FHOD3: variants seen among roughly 807,000 people sequenced by gnomAD.
FHOD3 encodes the protein formin homology 2 domain containing 3.
In FHOD3, 90 loss-of-function variants were observed where a neutral mutation model predicts 173.0. The observed-to-expected ratio is 0.52, with a 90% CI of 0.44 to 0.62. The LOEUF is 0.62. Ranked by LOEUF, FHOD3 falls within the 20% of genes least tolerant of loss-of-function variation. The pLI, the probability that FHOD3 is intolerant of heterozygous loss-of-function variation, is 0.00. For synonymous variants in FHOD3, 828 were observed against 823.0 expected (o/e 1.01, Z -0.10); for missense variants, 1,945 against 2,034.7 (o/e 0.96, Z 0.85).
intron 3 of FHOD3, among the ~76,000 whole-genome samples, chr18:36,462,775 C>T (rs932275585): frequency 6.6e-6 from 1 of 152,180 alleles, no homozygotes; most frequent in Non-Finnish European, 1.5e-5. Context: ...CTCGTGTGTG[C>T]CACTATTTGC....
chr18:36,522,549 A>G (rs1460730075), intron 5 of FHOD3, among the ~76,000 whole-genome samples: 1 of 152,250 alleles, frequency 6.6e-6, no homozygotes, highest in Non-Finnish European at 1.5e-5. Context: ...TATACTGTAC[A>G]GCCTGTTTTG....
At chr18:36,446,168 T>A (rs1411024956) in intron 3 of FHOD3, among the ~76,000 whole-genome samples, 1 of 152,210 alleles carries the variant, frequency 6.6e-6, no homozygotes, top group Non-Finnish European at 1.5e-5. Flanking sequence ...AGCAAGTGTT[T>A]GAAAACCAGA....
chr18:36,642,043 A>C (rs570672722), intron 10 of FHOD3, among the ~76,000 whole-genome samples: 89 of 152,140 alleles, frequency 5.8e-4, no homozygotes, highest in Non-Finnish European at 9.8e-4. Flanking sequence ...AGGAACAGAA[A>C]ACCAAATACT....
chr18:36,427,032 C>T (rs544257528), intron 3 of FHOD3, among the ~76,000 whole-genome samples: 10 of 152,160 alleles, frequency 6.6e-5, no homozygotes, highest in East Asian at 1.9e-4. Flanking sequence ...CACATTGAGT[C>T]GAGGTGTGTT....
At chr18:36,409,954 G>T (rs1052703443) in intron 3 of FHOD3, among the ~76,000 whole-genome samples, 2 of 152,230 alleles carry the variant, frequency 1.3e-5, no homozygotes, top group African/African-American at 4.8e-5. Flanking sequence ...GCGTTGCCCG[G>T]GTGTCCCATG....
At chr18:36,518,182 G>T (rs2056091988) in intron 5 of FHOD3, among the ~76,000 whole-genome samples, 2 of 152,286 alleles carry the variant, frequency 1.3e-5, no homozygotes, top group South Asian at 4.1e-4. Context: ...TGAGGAAATG[G>T]GAGCAAAGGG....
intron 6 of FHOD3, among the ~76,000 whole-genome samples, chr18:36,582,828 C>G (rs569830398): frequency 6.6e-6 from 1 of 152,172 alleles, no homozygotes; most frequent in Non-Finnish European, 1.5e-5. Flanking sequence ...CTGTTGCCTC[C>G]GTTTGAACCG....
intron 21 of FHOD3, 108 bp from the exon 22 acceptor site, chr18:36,742,629 T>C (rs2150061956): frequency 1.6e-6 from 2 of 1,257,248 alleles, no homozygotes; most frequent in Non-Finnish European, 2.2e-6. Flanking sequence ...GGGGATTGCC[T>C]TGTGCTGGGG....
At chr18:36,641,978 G>GATCT (rs1489110989) in intron 10 of FHOD3, among the ~76,000 whole-genome samples, 3 of 151,306 alleles carry the variant, frequency 2.0e-5, no homozygotes, top group Non-Finnish European at 4.4e-5. Flanking sequence ...TTGTTAAATA[G>GATCT]AGGGAGATAA....
chr18:36,744,317 T>C (rs2042047541), intron 23 of FHOD3, 124 bp downstream of exon 23: 5 of 927,310 alleles, frequency 5.4e-6, no homozygotes, highest in African/African-American at 1.7e-5. Flanking sequence ...CATTCTCTGC[T>C]CTGGAGTTTA....
At chr18:36,367,711 A>ATATC (rs1479302639) in intron 2 of FHOD3, among the ~76,000 whole-genome samples, 2 of 152,128 alleles carry the variant, frequency 1.3e-5, no homozygotes, top group Non-Finnish European at 2.9e-5. Flanking sequence ...AACCAAGAGA[A>ATATC]TATCTATCTA....
At chr18:36,485,126 A>G (rs978136907) in intron 3 of FHOD3, among the ~76,000 whole-genome samples, 1 of 142,004 alleles carries the variant, frequency 7.0e-6, no homozygotes, top group Non-Finnish European at 1.5e-5. Flanking sequence ...CAAGAACTTC[A>G]TCTCTTGTGA....
intron 10 of FHOD3, among the ~76,000 whole-genome samples, chr18:36,629,713 G>C (rs1599949984): frequency 6.6e-6 from 1 of 152,318 alleles, no homozygotes; most frequent in Middle Eastern, 3.4e-3. Context: ...CACAGAGGAA[G>C]ATTGAGGGGT....
At chr18:36,535,228 G>GA (rs1048487390) in intron 5 of FHOD3, among the ~76,000 whole-genome samples, 99 of 152,266 alleles carry the variant, frequency 6.5e-4, no homozygotes, top group African/African-American at 2.4e-3. Context: ...CTCTAAGAGT[G>GA]AAAATAGCAT....
chr18:36,320,417 T>C (rs963891941), intron 1 of FHOD3, among the ~76,000 whole-genome samples: 2 of 152,100 alleles, frequency 1.3e-5, no homozygotes, highest in African/African-American at 4.8e-5. Flanking sequence ...ACATACACCC[T>C]CCCAAGACTA....
At chr18:36,611,233 A>G (rs116816565) in intron 8 of FHOD3, among the ~76,000 whole-genome samples, 323 of 152,336 alleles carry the variant, frequency 2.1e-3, no homozygotes, top group African/African-American at 6.9e-3. Flanking sequence ...GTTTCTAATT[A>G]CAAAGTAGGT....
chr18:36,548,140 C>T (rs199659557), intron 5 of FHOD3, among the ~76,000 whole-genome samples: 64 of 152,096 alleles, frequency 4.2e-4, no homozygotes, highest in African/African-American at 1.4e-3. Context: ...TGCAGTGAGC[C>T]GAGATCGTGC....
chr18:36,454,351 A>T (rs16967876), intron 3 of FHOD3, among the ~76,000 whole-genome samples: 1 of 151,894 alleles, frequency 6.6e-6, no homozygotes, highest in African/African-American at 2.4e-5. Flanking sequence ...GCGCACACAG[A>T]AGCACACACA....
At chr18:36,647,599 T>G (rs1352064168) in intron 10 of FHOD3, among the ~76,000 whole-genome samples, 1 of 152,214 alleles carries the variant, frequency 6.6e-6, no homozygotes, top group Admixed American at 6.5e-5. Context: ...TCCCAAGATA[T>G]AGTACACAGT....
Sources: gnomAD v4.1 joint callset for allele counts (sites outside exome capture counted in the v4.1 genomes callset) on GRCh38, gnomAD v4.1.1 for gene constraint, MANE v1.5 for transcripts, NCBI Gene and HGNC (gene_info 2026-07-23, HGNC 2026-07-21) for gene names.